The following DDX21 variants were observed in gnomAD, a reference collection of about 807,000 sequenced individuals.
DDX21 encodes the protein nucleolar RNA helicase 2.
In DDX21, 18 loss-of-function variants were observed where a neutral mutation model predicts 90.0. That is an observed-to-expected ratio of 0.20 (90% CI 0.14 to 0.30). DDX21 has a LOEUF of 0.30. DDX21 is among the 10% of genes least tolerant of loss of function. DDX21 has a pLI of 1.00. For synonymous variants in DDX21, 294 were observed against 318.0 expected (o/e 0.92, Z 0.80); for missense variants, 673 against 944.5 (o/e 0.71, Z 3.77).
intron 9 of DDX21, 36 bp downstream of exon 9, chr10:68,972,088 T>C: frequency 6.4e-7 from 1 of 1,572,932 alleles, no homozygotes; most frequent in Non-Finnish European, 8.6e-7. Flanking sequence ...TTTTGTTTTG[T>C]TTTTTTTGGG....
chr10:68,972,190 G>C (rs1300278393), intron 9 of DDX21, 138 bp downstream of exon 9: 2 of 982,288 alleles, frequency 2.0e-6, no homozygotes, highest in Non-Finnish European at 1.5e-6. Flanking sequence ...GTGATTTTGA[G>C]AATGAACCTG....
chr10:68,969,914 T>A (rs1842998080), intron 7 of DDX21, among the ~76,000 whole-genome samples: 2 of 152,242 alleles, frequency 1.3e-5, no homozygotes, highest in African/African-American at 4.8e-5. Context: ...GAGTGGCATT[T>A]CCTTTCCTGC....
At chr10:68,964,964 T>C (rs1340068956) in intron 4 of DDX21, among the ~76,000 whole-genome samples, 2 of 152,116 alleles carry the variant, frequency 1.3e-5, no homozygotes, top group Non-Finnish European at 2.9e-5. Flanking sequence ...TTTATATATA[T>C]ATAGATCAAA....
At chr10:68,978,608 A>G (rs1250483347) in intron 12 of DDX21, among the ~76,000 whole-genome samples, 1 of 152,210 alleles carries the variant, frequency 6.6e-6, no homozygotes, top group Non-Finnish European at 1.5e-5. Context: ...CCTAAATGGC[A>G]ATATTTTGGA....
chr10:68,958,097 TC>T (rs773405913), intron 1 of DDX21, among the ~76,000 whole-genome samples: 15 of 152,206 alleles, frequency 9.9e-5, no homozygotes, highest in Non-Finnish European at 1.8e-4. Flanking sequence ...ACTTTTTGTT[TC>T]ATAAAGTGTC....
In DDX21 at chr10:68,963,302, A is replaced by C; in HGVS notation, c.619A>C (p.Thr207Pro). 1.2e-6 allele frequency: 2 copies of C among 1,611,100 alleles called. No homozygotes were observed. The highest frequency in any genetic ancestry group is 1.7e-6 in the Non-Finnish European group (2 of 1,178,968). The part of the protein sequence containing the change: ...TIKLLKGRGV[T>P]FLFPIQAKTF... ...TAATTTGTTCATAGGCCGAGGAGTG[A>C]CCTTCCTATTTCCTATACAAGCAAA... is the stretch of plus-strand genomic sequence containing the variant. The change falls in exon 4 of 15, where the codon ACC (threonine) becomes CCC (proline). Residue 207 changes from threonine to proline, a missense_variant. Thr to Pro is a conservative substitution (Grantham distance 38, BLOSUM62 -1). Coordinates refer to ENST00000354185, the MANE Select transcript of DDX21 (RefSeq NM_004728.4).
chr10:68,978,736 T>C, intron 12 of DDX21, 106 bp from the exon 13 acceptor site: 3 of 1,434,808 alleles, frequency 2.1e-6, no homozygotes, highest in South Asian at 2.8e-5. Flanking sequence ...ATGTATGTTT[T>C]TAGGAATAAC....
At chr10:68,961,309 T>C (rs902318022) in intron 2 of DDX21, among the ~76,000 whole-genome samples, 1 of 152,160 alleles carries the variant, frequency 6.6e-6, no homozygotes, top group Admixed American at 6.6e-5. Flanking sequence ...TTCCTGATTA[T>C]AAAAAATATG....
intron 7 of DDX21, among the ~76,000 whole-genome samples, chr10:68,969,609 A>G (rs1447118349): frequency 6.6e-6 from 1 of 152,252 alleles, no homozygotes; most frequent in Non-Finnish European, 1.5e-5. Flanking sequence ...TTCATCATCT[A>G]TGGCCTCATT....
At chr10:68,967,870 C>T (rs756528094) in intron 6 of DDX21, among the ~76,000 whole-genome samples, 1 of 151,664 alleles carries the variant, frequency 6.6e-6, no homozygotes, top group Non-Finnish European at 1.5e-5. Context: ...ATACAGATAG[C>T]TTCTCACCTC....
chr10:68,956,587 G>C (rs892741532), intron 1 of DDX21: 1 of 1,269,000 alleles, frequency 7.9e-7, no homozygotes, highest in African/African-American at 1.5e-5. Context: ...GAGAGGCCCT[G>C]TTGGAGCTCG....
chr10:68,964,944 A>G (rs2132083083), intron 4 of DDX21, among the ~76,000 whole-genome samples: 1 of 152,226 alleles, frequency 6.6e-6, no homozygotes, highest in East Asian at 1.9e-4. Context: ...CCTGGCCAGC[A>G]GTTTCATGTT....
In DDX21 at chr10:68,972,061, T is replaced by C; in HGVS notation, c.1548+9T>C. On this transcript the variant is annotated intron_variant, in intron 9 of 14. Transcript: ENST00000354185. Reference sequence around the variant, plus strand: ...AAAGCTCTCCACCAAAGGTATGTGCTTTATGCTTAGATTTTATTTTGTTTT... The same window carrying C: ...AAAGCTCTCCACCAAAGGTATGTGCCTTATGCTTAGATTTTATTTTGTTTT... The C allele has an allele frequency of 6.3e-7, 1 of 1,592,680 alleles. No individual in the cohort carries two copies.
chr10:68,963,552 TA>T, intron 4 of DDX21, 83 bp downstream of exon 4: 1 of 1,310,630 alleles, frequency 7.6e-7, no homozygotes, highest in Non-Finnish European at 1.0e-6. Context: ...TACTATTTTT[TA>T]TTGAGTTCTT....
chr10:68,979,031 C>G lies in DDX21; in HGVS notation c.2037+55C>G, dbSNP rs1008497101. 5 of 1,608,016 alleles carry G rather than the reference C, an allele frequency of 3.1e-6. No homozygotes were observed. The South Asian group carries it at 5.5e-5, about 18-fold the overall frequency. On this transcript the variant is annotated intron_variant, in intron 13 of 14. Transcript: ENST00000354185. The stretch of plus-strand genomic sequence containing the variant: ...ATGGGGCTTTATGTGGGCAGGAAAA[C>G]AGTGTGGTGTGGGTTCTTCCTGTTC...
At chr10:68,975,125 A>G (rs1843081215) in intron 11 of DDX21, among the ~76,000 whole-genome samples, 1 of 152,202 alleles carries the variant, frequency 6.6e-6, no homozygotes, top group Admixed American at 6.5e-5. Flanking sequence ...AGGATATTTT[A>G]AGGGATAATA....
intron 11 of DDX21, among the ~76,000 whole-genome samples, chr10:68,976,651 C>T (rs925092230): frequency 3.9e-5 from 6 of 151,932 alleles, no homozygotes; most frequent in Non-Finnish European, 2.9e-5. Context: ...TTTTAAGTGT[C>T]CTACAGACAG....
intron 9 of DDX21, among the ~76,000 whole-genome samples, chr10:68,972,975 A>G (rs967564953): frequency 3.3e-5 from 5 of 152,152 alleles, no homozygotes; most frequent in Non-Finnish European, 5.9e-5. Flanking sequence ...ACTTAAGGTC[A>G]GGAGTTCGAG....
chr10:68,968,850 G>T, intron 6 of DDX21, 126 bp from the exon 7 acceptor site: 2 of 1,047,236 alleles, frequency 1.9e-6, no homozygotes, highest in Non-Finnish European at 2.7e-6. Context: ...TGTCCTCAGT[G>T]CCCGACTTGG....
Sources: allele counts gnomAD v4.1 joint callset (sites outside exome capture counted in the v4.1 genomes callset), GRCh38; gene constraint gnomAD v4.1.1; transcripts MANE v1.5; gene names NCBI Gene and HGNC (gene_info 2026-07-23, HGNC 2026-07-21).